UBAP1L: variants seen among roughly 807,000 people sequenced by gnomAD.
UBAP1L encodes ubiquitin associated protein 1 like.
In UBAP1L, 32 loss-of-function variants were observed where a neutral mutation model predicts 32.1. The ratio of observed to expected loss-of-function variants is 1.00; its 90% CI spans 0.75 to 1.34. The LOEUF is 1.34. Ranked by LOEUF, UBAP1L falls within the 40% of genes most tolerant of loss-of-function variation. The pLI is 0.00. For missense variants in UBAP1L, 516 were observed against 540.5 expected (o/e 0.95, Z 0.45); for synonymous variants, 243 against 250.2 (o/e 0.97, Z 0.27).
intron 2 of UBAP1L, among the ~76,000 whole-genome samples, chr15:65,104,486 T>A (rs1180664091): frequency 6.6e-6 from 1 of 152,130 alleles, no homozygotes; most frequent in Non-Finnish European, 1.5e-5. Flanking sequence ...TAAAGGTACA[T>A]AATAGAAAAT....
intron 1 of UBAP1L, among the ~76,000 whole-genome samples, chr15:65,108,249 A>G (rs889990358): frequency 5.9e-5 from 9 of 152,132 alleles, no homozygotes; most frequent in African/African-American, 2.2e-4. Context: ...CTTTTAAATA[A>G]ATTGTTCTGG....
At chr15:65,100,195 G>A (rs1011023768) in intron 3 of UBAP1L, 1 of 151,858 alleles carries the variant, frequency 6.6e-6, no homozygotes, top group African/African-American at 2.4e-5. Context: ...AGTGAGCAGA[G>A]ATCGCACCAT....
At chr15:65,107,021 C>G (rs1279265254) in intron 1 of UBAP1L, among the ~76,000 whole-genome samples, 1 of 151,966 alleles carries the variant, frequency 6.6e-6, no homozygotes, top group Non-Finnish European at 1.5e-5. Context: ...CAAAAAAAAT[C>G]TTAAAAATAA....
At chr15:65,110,793 G>A (rs762985117) in intron 1 of UBAP1L, among the ~76,000 whole-genome samples, 2 of 151,888 alleles carry the variant, frequency 1.3e-5, no homozygotes, top group Non-Finnish European at 2.9e-5. Context: ...CTTCTTGACC[G>A]CAGTCTGCCT....
chr15:65,102,354 C>G lies in UBAP1L; in HGVS notation c.451G>C (p.Val151Leu). The change falls in exon 3 of 6, where the codon GTG becomes CTG. Residue 151 changes from valine (V) to leucine (L), a missense_variant. Transcript: ENST00000559089. This position sits in a 1 kb window ranked among gnomAD's most constrained non-coding sequence, Gnocchi z 5.0. ...RLCSLDVLRG[V>L]RLELAGARRR... is the part of the protein sequence containing the mutation. ...CGCGCCCCTGCCAGCTCCAACCGCA[C>G]GCCGCGTAGCACGTCCAGCGAGCAC... 6.8e-7 allele frequency: 1 copy of G among 1,472,762 alleles called. No homozygotes were observed. Among genetic ancestry groups the G allele is most frequent in the Non-Finnish European group, 8.9e-7 (1 of 1,120,766 alleles). 91.2% of individuals were successfully genotyped at this position (1,472,762 alleles called of 1,614,324 possible).
At position 65,093,180 on chromosome 15, in the gene UBAP1L, G is replaced by T. The variant is rs965536840; in HGVS notation, c.1063C>A (p.Gln355Lys). ...WEQFSDMGFQ[Q>K]DRIKEVLLVH... ...AGCAGCACCTCCTTGATCCGGTCCT[G>T]CTGGAAGCCCATGTCACTGAACTGC... The change falls in exon 6 of 6, where the codon CAG (glutamine) becomes AAG (lysine). Residue 355 changes from glutamine (Q) to lysine (K), a missense_variant. By Grantham distance (53) the Gln-to-Lys change is moderately conservative (BLOSUM62 1). Transcript: ENST00000559089. 13 of 1,549,962 alleles carry T rather than the reference G, an allele frequency of 8.4e-6. 1 individual carries two copies. The highest frequency in any genetic ancestry group is 3.5e-4 in the Middle Eastern group (2 of 5,782).
rs754052874 is a variant in UBAP1L at position 65,093,166 on chromosome 15, C to T, written c.1077G>A (p.Lys359=). The change falls in exon 6 of 6, where the codon AAG becomes AAA. Residue 359 remains lysine (K), a synonymous_variant. Transcript: ENST00000559089. ...SDMGFQQDRI[K]EVLLVHGNRR... is the part of the protein sequence containing the mutation. ...GGTTGCCATGGACCAGCAGCACCTC[C>T]TTGATCCGGTCCTGCTGGAAGCCCA... 4 of 1,550,518 alleles carry T rather than the reference C, an allele frequency of 2.6e-6. No homozygotes were observed. The highest frequency in any genetic ancestry group is 2.0e-5 in the Admixed American group (1 of 50,916).
chr15:65,109,351 T>C (rs1255724073), intron 1 of UBAP1L, among the ~76,000 whole-genome samples: 1 of 149,130 alleles, frequency 6.7e-6, no homozygotes. Context: ...GGCATAGTGG[T>C]GGGCGCCTGT....
At chr15:65,097,536 T>C (rs2087189768) in intron 4 of UBAP1L, 2 of 152,304 alleles carry the variant, frequency 1.3e-5, no homozygotes, top group East Asian at 1.9e-4. Flanking sequence ...TGCCATTGAC[T>C]GGCTGTATGA....
Position 65,102,130 on chromosome 15 carries a change from C to T in UBAP1L, c.675G>A (p.Leu225=). 1 of 1,208,236 alleles carries T rather than the reference C, an allele frequency of 8.3e-7. No homozygotes were observed. Among genetic ancestry groups the T allele is most frequent in the Non-Finnish European group, 1.0e-6 (1 of 971,788 alleles). 74.8% of individuals were successfully genotyped at this position (1,208,236 alleles called of 1,614,324 possible). ...CCGCGACCGTAGGCTTGTGGCTCCG[C>T]AGCGGGGGGATGGCGCCTGCCGTGG... ...RPSTAGAIPP[L]RSHKPTVASL... is the part of the protein sequence containing the mutation. The change falls in exon 3 of 6, where the codon CTG becomes CTA. Residue 225 remains leucine (L), a synonymous_variant. Transcript: ENST00000559089. The surrounding 1 kb of genome is among the most constrained non-coding windows in gnomAD (Gnocchi z 5.0).
At chr15:65,108,483 G>A (rs1006952902) in intron 1 of UBAP1L, among the ~76,000 whole-genome samples, 3 of 152,108 alleles carry the variant, frequency 2.0e-5, no homozygotes, top group African/African-American at 7.2e-5. Context: ...GTTGGCTCAT[G>A]CCTATAATCC....
At chr15:65,113,341 C>G (rs1020265238) in intron 1 of UBAP1L, among the ~76,000 whole-genome samples, 1 of 152,234 alleles carries the variant, frequency 6.6e-6, no homozygotes, top group African/African-American at 2.4e-5. Flanking sequence ...CCATCTTACT[C>G]CAGTCATGCT....
At chr15:65,099,456 C>G in intron 4 of UBAP1L, 49 bp downstream of exon 4, 2 of 1,532,260 alleles carry the variant, frequency 1.3e-6, no homozygotes, top group Admixed American at 3.9e-5. Context: ...TGTGGCCACT[C>G]ACCTGGCTCC....
chr15:65,097,607 GA>G (rs962511981), intron 4 of UBAP1L: 14 of 152,212 alleles, frequency 9.2e-5, no homozygotes, highest in African/African-American at 2.9e-4. Flanking sequence ...CAACCTTGCA[GA>G]ATTGAGACCT....
In UBAP1L at chr15:65,102,829, GC is replaced by G; in HGVS notation, c.121-146del. ...TTCTGAGCCCCGGGCTTCCATCACAGCCCACTCTACCCTGGGTTTTAGCTAA... is the reference window on the plus strand; with the variant it reads ...TTCTGAGCCCCGGGCTTCCATCACAGCCACTCTACCCTGGGTTTTAGCTAA... On this transcript the variant is annotated intron_variant, in intron 2 of 5. Transcript: ENST00000559089. The surrounding 1 kb of genome is among the most constrained non-coding windows in gnomAD (Gnocchi z 5.0). 1.4e-6 allele frequency: 1 copy of G among 714,312 alleles called. No homozygotes were observed. Among genetic ancestry groups the G allele is most frequent in the Non-Finnish European group, 2.2e-6 (1 of 456,310 alleles). 44.2% of individuals were successfully genotyped at this position (714,312 alleles called of 1,614,324 possible).
intron 4 of UBAP1L, chr15:65,095,951 G>A (rs2087168773): frequency 6.6e-6 from 1 of 152,190 alleles, no homozygotes; most frequent in South Asian, 2.1e-4. Context: ...AGGCACCCAT[G>A]CCCTCCTTCC....
chr15:65,103,880 G>C (rs573486138), intron 2 of UBAP1L, among the ~76,000 whole-genome samples: 5 of 152,218 alleles, frequency 3.3e-5, no homozygotes, highest in Admixed American at 1.3e-4. Context: ...AGCACTCAGA[G>C]GGATTAAAAA....
intron 2 of UBAP1L, chr15:65,105,693 C>T (rs2087300649): frequency 7.2e-6 from 5 of 690,416 alleles, no homozygotes; most frequent in South Asian, 6.8e-5. Flanking sequence ...TGTCACTTTA[C>T]AGAAATAGTG....
At position 65,094,415 on chromosome 15, in the gene UBAP1L, C is replaced by G. The variant is rs905539663; in HGVS notation, c.1011+60G>C. On this transcript the variant is annotated intron_variant, in intron 5 of 5. Coordinates refer to ENST00000559089, the MANE Select transcript of UBAP1L (RefSeq NM_001163692.2). The surrounding 1 kb of genome is among the most constrained non-coding windows in gnomAD (Gnocchi z 4.2). The stretch of plus-strand genomic sequence containing the variant: ...GACTGGTGTGGCCCTGCACACCGGG[C>G]TCCTGGGTACACCCCCATCCCTTCC... 6 of 1,292,356 alleles carry G rather than the reference C, an allele frequency of 4.6e-6. No homozygotes were observed. The African/African-American group carries it at 5.9e-5, about 13-fold the overall frequency. The allele number at this position is 1,292,356 out of a possible 1,614,324, so 80.1% of individuals were successfully genotyped here.
Sources: gnomAD v4.1 joint callset for allele counts (sites outside exome capture counted in the v4.1 genomes callset) on GRCh38, gnomAD v4.1.1 for gene constraint, Gnocchi (gnomAD v3.1) non-coding constraint, MANE v1.5 for transcripts, NCBI Gene and HGNC (gene_info 2026-07-23, HGNC 2026-07-21) for gene names.